The following STK32B variants were observed in gnomAD, a reference collection of about 807,000 sequenced individuals.
STK32B encodes the protein serine/threonine kinase 32B.
STK32B carries 43 observed loss-of-function variants against 52.6 expected under a neutral mutation model. The ratio of observed to expected loss-of-function variants is 0.82; its 90% confidence interval spans 0.64 to 1.05. STK32B has a LOEUF of 1.05. Ranked by LOEUF, STK32B falls within the 50% of genes least tolerant of loss-of-function variation. The pLI is 0.00. For synonymous variants in STK32B, 238 were observed against 204.3 expected (o/e 1.17, Z -1.41); for missense variants, 621 against 534.6 (o/e 1.16, Z -1.59).
chr4:5,444,165 C>T (rs530369079), intron 6 of STK32B, among the ~76,000 whole-genome samples: 3,515 of 152,164 alleles, frequency 0.023, 49 homozygotes, highest in Middle Eastern at 0.072. Context: ...TTTACCTAAT[C>T]AAGCCTGGGC....
intron 1 of STK32B, among the ~76,000 whole-genome samples, chr4:5,131,639 C>G (rs922596748): frequency 3.3e-5 from 5 of 152,204 alleles, no homozygotes; most frequent in African/African-American, 9.7e-5. Context: ...CTCCTGGGGA[C>G]TGTCATGCAT....
At chr4:5,468,752 G>A (rs575660824) in intron 11 of STK32B, among the ~76,000 whole-genome samples, 6 of 152,186 alleles carry the variant, frequency 3.9e-5, no homozygotes, top group East Asian at 1.9e-4. Context: ...CCTCAGGCTC[G>A]GTTCCAGCCA....
intron 1 of STK32B, among the ~76,000 whole-genome samples, chr4:5,110,071 A>G (rs1714314798): frequency 6.6e-6 from 1 of 152,038 alleles, no homozygotes; most frequent in Non-Finnish European, 1.5e-5. Context: ...CTATAAGGAG[A>G]ACTACAAAAC....
chr4:5,492,314 C>T lies in STK32B; in HGVS notation c.1107-6631C>T, dbSNP rs563884362. Among the ~76,000 whole-genome samples, 323 of 152,134 alleles carry T rather than the reference C, an allele frequency of 2.1e-3. 2 individuals carry two copies. Among genetic ancestry groups the T allele is most frequent in the South Asian group, 0.012 (60 of 4,812 alleles). ...CTTCACATCCCTTGTAAGTTGGATT[C>T]CTAGGTATTTTATTCTCTTTGAAGC... On this transcript the variant is annotated intron_variant, in intron 11 of 11. Transcript: ENST00000282908.
upstream of STK32B, among the ~76,000 whole-genome samples, chr4:5,050,571 C>T (rs973555599): frequency 6.6e-5 from 10 of 152,092 alleles, no homozygotes; most frequent in African/African-American, 2.4e-4. Context: ...CACAAAGAAC[C>T]CCTGCTTTCT....
chr4:5,222,590 G>A (rs535604046), intron 3 of STK32B, among the ~76,000 whole-genome samples: 5 of 152,330 alleles, frequency 3.3e-5, no homozygotes, highest in Admixed American at 2.6e-4. Flanking sequence ...TGGCTGAATT[G>A]TGTCTGTTCC....
chr4:5,337,311 A>G lies in STK32B; in HGVS notation c.434+5918A>G, dbSNP rs1274723409. On this transcript the variant is annotated intron_variant, in intron 4 of 11. Transcript: ENST00000282908. ...GACAGTTTTTAATTTCTTAAATGCT[A>G]GAAGGCAGCGCAGACACGCTATTCA... is the stretch of plus-strand genomic sequence containing the variant. 2.6e-5 allele frequency among the ~76,000 whole-genome samples: 4 copies of G among 152,118 alleles called. No homozygotes were observed. The East Asian group carries it at 7.7e-4, about 29-fold the overall frequency.
chr4:5,276,731 C>T (rs1727849085), intron 3 of STK32B, among the ~76,000 whole-genome samples: 1 of 152,010 alleles, frequency 6.6e-6, no homozygotes, highest in African/African-American at 2.4e-5. Context: ...TTACAATAGT[C>T]ATATTACCGA....
At chr4:5,114,086 G>T (rs1291221622) in intron 1 of STK32B, among the ~76,000 whole-genome samples, 1 of 151,930 alleles carries the variant, frequency 6.6e-6, no homozygotes, top group Non-Finnish European at 1.5e-5. Flanking sequence ...ATGAGATTTG[G>T]GTGGGGACAC....
intron 6 of STK32B, among the ~76,000 whole-genome samples, chr4:5,435,331 G>A (rs1216674689): frequency 1.3e-5 from 2 of 152,156 alleles, no homozygotes; most frequent in Non-Finnish European, 2.9e-5. Flanking sequence ...ACGATTATCT[G>A]CTTGATCTGT....
intron 6 of STK32B, among the ~76,000 whole-genome samples, chr4:5,422,436 T>C (rs537419620): frequency 6.8e-4 from 104 of 152,124 alleles, no homozygotes; most frequent in Middle Eastern, 6.8e-3. Context: ...CAGAGGTAAC[T>C]CACAAAAGAT....
At chr4:5,107,215 T>C (rs1400952384) in intron 1 of STK32B, among the ~76,000 whole-genome samples, 1 of 152,142 alleles carries the variant, frequency 6.6e-6, no homozygotes, top group East Asian at 1.9e-4. Flanking sequence ...GAGAGTCTAA[T>C]GCCTGATGAT....
At chr4:5,049,723 G>A (rs1362922249), upstream of STK32B, among the ~76,000 whole-genome samples, 1 of 139,192 alleles carries the variant, frequency 7.2e-6, no homozygotes, top group Non-Finnish European at 1.6e-5. Flanking sequence ...CTTAGCTTGG[G>A]CTCAGAGGCC....
chr4:5,042,017 G>A, the STK32B span, among the ~76,000 whole-genome samples: 27 of 152,248 alleles, frequency 1.8e-4, no homozygotes, highest in South Asian at 2.9e-3. Flanking sequence ...CTTCTACAGC[G>A]TGATCGTGTT....
chr4:5,298,358 G>GT (rs959726065), intron 3 of STK32B, among the ~76,000 whole-genome samples: 1 of 152,180 alleles, frequency 6.6e-6, no homozygotes, highest in African/African-American at 2.4e-5. Flanking sequence ...AGGCAGGAAT[G>GT]TTTAAGTCTG....
At chr4:5,455,819 GAGAC>G (rs1006249303) in intron 7 of STK32B, among the ~76,000 whole-genome samples, 9 of 152,166 alleles carry the variant, frequency 5.9e-5, no homozygotes, top group Admixed American at 5.2e-4. Context: ...CTTCGTGGAG[GAGAC>G]AGACAGCACT....
At chr4:5,278,093 C>G (rs558733778) in intron 3 of STK32B, among the ~76,000 whole-genome samples, 87 of 152,312 alleles carry the variant, frequency 5.7e-4, no homozygotes, top group African/African-American at 2.0e-3. Context: ...TGACTAATGA[C>G]AGGCCCCAGG....
intron 1 of STK32B, among the ~76,000 whole-genome samples, chr4:5,116,518 C>G (rs998093540): frequency 6.6e-6 from 1 of 152,092 alleles, no homozygotes; most frequent in African/African-American, 2.4e-5. Context: ...CACTTAATAT[C>G]TACTCTTATT....
chr4:5,030,518 T>A, the STK32B span, among the ~76,000 whole-genome samples: 3,753 of 152,322 alleles, frequency 0.025, 77 homozygotes, highest in South Asian at 0.041. Flanking sequence ...CTAATGTGGA[T>A]ACAGTGTGAG....
Sources: gnomAD v4.1 joint callset for allele counts (sites outside exome capture counted in the v4.1 genomes callset) on GRCh38, gnomAD v4.1.1 for gene constraint, MANE v1.5 for transcripts, NCBI Gene and HGNC (gene_info 2026-07-23, HGNC 2026-07-21) for gene names.